SMLR1: variants seen among roughly 807,000 people sequenced by gnomAD.
SMLR1 encodes the protein small leucine rich protein 1, also known as small leucine-rich protein 1.
SMLR1 carries 3 observed loss-of-function variants against 6.1 expected under a neutral mutation model. The ratio of observed to expected loss-of-function variants is 0.49; its 90% CI spans 0.22 to 1.28. SMLR1 has a LOEUF of 1.28. SMLR1 is among the 50% of genes most tolerant of loss of function. The pLI is 0.19. For missense variants in SMLR1, 126 were observed against 124.8 expected, an observed-to-expected ratio of 1.01 and a Z score of -0.05; for synonymous variants, 55 against 53.6, an observed-to-expected ratio of 1.03 and a Z score of -0.11.
At position 130,829,793 on chromosome 6, in the gene SMLR1, C is replaced by A. The variant is rs539625864; in HGVS notation, c.238+2142C>A. ...TCTTGACTTCTAGACTTGCCCACAACTGTTAAGTCTGTCCCTTCCATCTCA... is the reference window on the plus strand; with the variant it reads ...TCTTGACTTCTAGACTTGCCCACAAATGTTAAGTCTGTCCCTTCCATCTCA... On this transcript the variant is annotated intron_variant, in intron 1 of 1. Transcript: ENST00000541421. 1.2e-4 allele frequency among the ~76,000 whole-genome samples: 19 copies of A among 152,300 alleles called. No individual in the cohort carries two copies. The East Asian group carries it at 3.7e-3, about 29-fold the overall frequency.
At chr6:130,831,895 T>G (rs1774460867) in intron 1 of SMLR1, among the ~76,000 whole-genome samples, 1 of 152,166 alleles carries the variant, frequency 6.6e-6, no homozygotes, top group Non-Finnish European at 1.5e-5. Flanking sequence ...TCAACATTAA[T>G]CCCCACACTT....
chr6:130,828,573 T>C (rs1774348181), intron 1 of SMLR1, among the ~76,000 whole-genome samples: 1 of 152,174 alleles, frequency 6.6e-6, no homozygotes, highest in African/African-American at 2.4e-5. Context: ...ACTAATGCTA[T>C]AATATATAAC....
chr6:130,831,581 T>C (rs947525011), intron 1 of SMLR1, among the ~76,000 whole-genome samples: 4 of 152,184 alleles, frequency 2.6e-5, no homozygotes, highest in African/African-American at 4.8e-5. Context: ...ATGAGATCAC[T>C]GGACTCGAAA....
At chr6:130,833,441 T>A (rs112729598) in intron 1 of SMLR1, among the ~76,000 whole-genome samples, 2 of 152,198 alleles carry the variant, frequency 1.3e-5, no homozygotes, top group African/African-American at 4.8e-5. Flanking sequence ...AGTACTCATA[T>A]TTCAGTGAGT....
chr6:130,828,277 G>A (rs759279600), intron 1 of SMLR1, among the ~76,000 whole-genome samples: 11 of 152,098 alleles, frequency 7.2e-5, no homozygotes, highest in Non-Finnish European at 1.5e-4. Flanking sequence ...ATGGACATTC[G>A]GGTCTTGGAT....
rs1488697935 is a variant in SMLR1, at chr6:130,837,133, T to C, written c.*2178T>C. 2.6e-5 allele frequency: 4 copies of C among 152,172 alleles called. No homozygotes were observed. The highest frequency in any genetic ancestry group is 4.4e-5 in the Non-Finnish European group (3 of 68,034). The allele number at this position is 152,172 out of a possible 1,614,324, so 9.4% of individuals were successfully genotyped here. Reference sequence around the variant, plus strand: ...CAATAAAACACTTCAATAGGTGCTTTAATTTCTGTCACATTGTCATTATTT... The same window carrying C: ...CAATAAAACACTTCAATAGGTGCTTCAATTTCTGTCACATTGTCATTATTT... On this transcript the variant is annotated 3_prime_UTR_variant, in exon 2 of 2. Coordinates refer to ENST00000541421, the MANE Select transcript of SMLR1 (RefSeq NM_001195597.2).
intron 1 of SMLR1, 124 bp downstream of exon 1, chr6:130,827,775 A>G: frequency 2.8e-6 from 2 of 714,212 alleles, no homozygotes; most frequent in Non-Finnish European, 4.5e-6. Context: ...TTTTGTAGGT[A>G]CTTCTCAATC....
chr6:130,829,614 G>GA (rs570091914), intron 1 of SMLR1, among the ~76,000 whole-genome samples: 15 of 152,272 alleles, frequency 9.9e-5, no homozygotes, highest in South Asian at 8.3e-4. Context: ...TCAAGTCTCA[G>GA]AAAAAAGTTA....
At chr6:130,828,477 A>C (rs565953945) in intron 1 of SMLR1, among the ~76,000 whole-genome samples, 1 of 152,122 alleles carries the variant, frequency 6.6e-6, no homozygotes, top group African/African-American at 2.4e-5. Context: ...AATTTGAAAA[A>C]CCCTCCTCTT....
chr6:130,834,101 T>C (rs1045454046), intron 1 of SMLR1, among the ~76,000 whole-genome samples: 31 of 152,148 alleles, frequency 2.0e-4, no homozygotes, highest in Admixed American at 1.7e-3. Context: ...CTGTGTCTTC[T>C]GATGTACGAG....
intron 1 of SMLR1, among the ~76,000 whole-genome samples, chr6:130,833,629 T>C (rs1187711311): frequency 6.6e-6 from 1 of 152,156 alleles, no homozygotes; most frequent in Non-Finnish European, 1.5e-5. Flanking sequence ...ATGATTTCTT[T>C]CTGCCCCAGT....
chr6:130,834,277 G>C (rs966686601), intron 1 of SMLR1, among the ~76,000 whole-genome samples: 2 of 152,164 alleles, frequency 1.3e-5, no homozygotes, highest in African/African-American at 2.4e-5. Context: ...GGCAGACAGA[G>C]AGAGGGGTTG....
At position 130,827,465 on chromosome 6, in the gene SMLR1, A is replaced by G; in HGVS notation, c.52A>G (p.Lys18Glu). The G allele has an allele frequency of 6.5e-7, 1 of 1,535,982 alleles. No homozygotes were observed. The highest frequency in any genetic ancestry group is 8.7e-7 in the Non-Finnish European group (1 of 1,146,846). ...PRRKQVQTQRKAALVLSVTPM... is the reference protein window; with the variant it reads ...PRRKQVQTQREAALVLSVTPM... ...AAGAAAACAAGTACAGACTCAGAGG[A>G]AAGCTGCCCTGGTCCTGAGTGTGAC... is the stretch of plus-strand genomic sequence containing the variant. The change falls in exon 1 of 2, where the codon AAA becomes GAA. Residue 18 changes from lysine (K) to glutamate (E), a missense_variant. Physicochemically the swap from Lys to Glu is moderately conservative, Grantham distance 56 (BLOSUM62 1). Coordinates refer to ENST00000541421, the MANE Select transcript of SMLR1 (RefSeq NM_001195597.2).
chr6:130,831,567 G>A (rs914558011), intron 1 of SMLR1, among the ~76,000 whole-genome samples: 6 of 152,062 alleles, frequency 3.9e-5, no homozygotes, highest in Non-Finnish European at 7.4e-5. Flanking sequence ...CAGTTTGAGG[G>A]CAAATGAGAT....
intron 1 of SMLR1, among the ~76,000 whole-genome samples, chr6:130,833,825 A>G (rs1336454735): frequency 6.6e-6 from 1 of 152,150 alleles, no homozygotes; most frequent in Admixed American, 6.6e-5. Context: ...CACCCTCCCT[A>G]ACATGATAAG....
chr6:130,828,257 G>A (rs116240891), intron 1 of SMLR1, among the ~76,000 whole-genome samples: 60 of 152,264 alleles, frequency 3.9e-4, no homozygotes, highest in African/African-American at 1.4e-3. Flanking sequence ...GAAGCTTAAG[G>A]TGATTTGGAA....
At position 130,836,360 on chromosome 6, in the gene SMLR1, A is replaced by C. The variant is rs1255925095; in HGVS notation, c.*1405A>C. The C allele has an allele frequency of 2.6e-5, 4 of 152,148 alleles. No individual in the cohort carries two copies. The highest frequency in any genetic ancestry group is 9.7e-5 in the African/African-American group (4 of 41,436). 9.4% of individuals were successfully genotyped at this position (152,148 alleles called of 1,614,324 possible). On this transcript the variant is annotated 3_prime_UTR_variant, in exon 2 of 2. Coordinates refer to ENST00000541421, the MANE Select transcript of SMLR1 (RefSeq NM_001195597.2). ...CCCCTGGGGGAAATCAGCTTATGTA[A>C]AAATGCTTTCTTTAACAGAAAGTGT...
chr6:130,827,590 C>T lies in SMLR1; in HGVS notation c.177C>T (p.Phe59=), dbSNP rs1253966746. The T allele has an allele frequency of 6.5e-7, 1 of 1,535,976 alleles. No individual in the cohort carries two copies. The highest frequency in any genetic ancestry group is 8.7e-7 in the Non-Finnish European group (1 of 1,146,846). ...GCTGGTTCCTGTTCTTTGGGGTCTT[C>T]CTCCCCGTGACTTTGCTGCTGCTCC... ...LPGWFLFFGV[F]LPVTLLLLLL... The change falls in exon 1 of 2, where the codon TTC becomes TTT. Residue 59 remains phenylalanine (F), a synonymous_variant. Transcript: ENST00000541421.
chr6:130,830,344 G>T (rs1262466943), intron 1 of SMLR1, among the ~76,000 whole-genome samples: 1 of 152,056 alleles, frequency 6.6e-6, no homozygotes, highest in Non-Finnish European at 1.5e-5. Flanking sequence ...TGCTCTAATT[G>T]AAGTGTGCCT....
Sources: gnomAD v4.1 joint callset for allele counts (sites outside exome capture counted in the v4.1 genomes callset) on GRCh38, gnomAD v4.1.1 for gene constraint, MANE v1.5 for transcripts, NCBI Gene and HGNC (gene_info 2026-07-23, HGNC 2026-07-21) for gene names.